Variants in LTBP1 observed in about 807,000 individuals in gnomAD.
The protein encoded by LTBP1 is latent-transforming growth factor beta-binding protein 1.
Under a neutral mutation model 207.6 loss-of-function variants are expected in LTBP1, and 129 were observed. The observed-to-expected ratio is 0.62, with a 90% CI of 0.54 to 0.72. The LOEUF (loss-of-function observed/expected upper bound fraction) is 0.72. Ranked by LOEUF, LTBP1 falls within the 30% of genes least tolerant of loss-of-function variation. The pLI is 0.00. For missense variants in LTBP1, 2,281 were observed against 2,217.2 expected (o/e 1.03, Z -0.58); for synonymous variants, 963 against 833.7 (o/e 1.16, Z -2.67).
intron 2 of LTBP1, among the ~76,000 whole-genome samples, chr2:32,957,147 T>TA (rs1170702954): frequency 6.6e-6 from 1 of 152,192 alleles, no homozygotes; most frequent in Non-Finnish European, 1.5e-5. Context: ...GGCTTCAACT[T>TA]AAAGTCACCA....
chr2:33,398,607 G>A lies in LTBP1; in HGVS notation c.*62G>A. 6.8e-7 allele frequency: 1 copy of A among 1,468,296 alleles called. No homozygotes were observed. Among genetic ancestry groups the A allele is most frequent in the Non-Finnish European group, 9.2e-7 (1 of 1,089,058 alleles). The allele number at this position is 1,468,296 out of a possible 1,614,324, so 91.0% of individuals were successfully genotyped here. A position where few individuals can be genotyped will look rare whatever the true frequency, so the allele number is the denominator to read the frequency against. ...ACTGTGTAAAGGAAAAGGGAGAAAT[G>A]TATTATACTTGAGACATTGCACCTA... is the stretch of plus-strand genomic sequence containing the variant. On this transcript the variant is annotated 3_prime_UTR_variant, in exon 34 of 34. Transcript: ENST00000404816.
intron 7 of LTBP1, among the ~76,000 whole-genome samples, chr2:33,207,061 C>T (rs1215967597): frequency 6.6e-6 from 1 of 152,168 alleles, no homozygotes; most frequent in Non-Finnish European, 1.5e-5. Flanking sequence ...GCAAAACACA[C>T]ATATCACAGC....
At chr2:33,317,235 A>G (rs2094286781) in intron 24 of LTBP1, among the ~76,000 whole-genome samples, 1 of 152,196 alleles carries the variant, frequency 6.6e-6, no homozygotes, top group South Asian at 2.1e-4. Context: ...TGCTTTATAA[A>G]TTACTGTACT....
chr2:33,100,353 G>C (rs1203568468), intron 3 of LTBP1, among the ~76,000 whole-genome samples: 7 of 152,014 alleles, frequency 4.6e-5, no homozygotes, highest in African/African-American at 1.7e-4. Context: ...AGGGGATAAA[G>C]ACATATTTGA....
chr2:33,169,565 G>T (rs1410670514), intron 5 of LTBP1, among the ~76,000 whole-genome samples: 1 of 152,204 alleles, frequency 6.6e-6, no homozygotes, highest in Non-Finnish European at 1.5e-5. Context: ...TTACTTATCA[G>T]ATACTTGGAG....
chr2:32,966,827 T>G (rs1002452780), intron 2 of LTBP1, among the ~76,000 whole-genome samples: 2 of 152,182 alleles, frequency 1.3e-5, no homozygotes, highest in Non-Finnish European at 2.9e-5. Flanking sequence ...GATACTTGTC[T>G]GTAGTTTCCT....
At chr2:33,116,403 G>A (rs923601651) in intron 4 of LTBP1, among the ~76,000 whole-genome samples, 1 of 152,066 alleles carries the variant, frequency 6.6e-6, no homozygotes, top group African/African-American at 2.4e-5. Flanking sequence ...TTTTAGGCAT[G>A]GCAGATGTCA....
chr2:33,338,922 A>G (rs1226317095), intron 24 of LTBP1, among the ~76,000 whole-genome samples: 1 of 152,206 alleles, frequency 6.6e-6, no homozygotes, highest in African/African-American at 2.4e-5. Flanking sequence ...TCCATGCCCT[A>G]CTAAGGAGTG....
chr2:33,110,025 T>TC (rs2080302314), intron 3 of LTBP1, among the ~76,000 whole-genome samples: 1 of 152,180 alleles, frequency 6.6e-6, no homozygotes, highest in African/African-American at 2.4e-5. Context: ...CTTCGCTATT[T>TC]CCCCCCTTCC....
At chr2:33,240,990 C>G (rs1266418147) in intron 9 of LTBP1, among the ~76,000 whole-genome samples, 1 of 152,104 alleles carries the variant, frequency 6.6e-6, no homozygotes, top group African/African-American at 2.4e-5. Context: ...GGTTACACCA[C>G]AAGTAGATAT....
At chr2:33,387,756 G>A (rs1045821297) in intron 31 of LTBP1, among the ~76,000 whole-genome samples, 1 of 141,038 alleles carries the variant, frequency 7.1e-6, no homozygotes, top group Non-Finnish European at 1.5e-5. Flanking sequence ...TTTGTATGTT[G>A]CAAGAATAAA....
At chr2:33,319,946 C>G (rs2094329602) in intron 24 of LTBP1, among the ~76,000 whole-genome samples, 1 of 152,182 alleles carries the variant, frequency 6.6e-6, no homozygotes, top group Non-Finnish European at 1.5e-5. Context: ...CTTCGTTTGA[C>G]AGATATTTAT....
At chr2:33,241,403 G>A (rs965410651) in intron 9 of LTBP1, among the ~76,000 whole-genome samples, 4 of 152,216 alleles carry the variant, frequency 2.6e-5, no homozygotes, top group African/African-American at 4.8e-5. Context: ...CATGGCATCA[G>A]AGTCAAGGCA....
chr2:32,974,401 TTCAAG>T (rs1681390010), intron 2 of LTBP1, among the ~76,000 whole-genome samples: 1 of 152,244 alleles, frequency 6.6e-6, no homozygotes, highest in Non-Finnish European at 1.5e-5. Context: ...GAAATGTCTG[TTCAAG>T]TCTTTTGCCC....
chr2:33,064,943 C>T (rs1449886914), intron 3 of LTBP1, among the ~76,000 whole-genome samples: 5 of 152,182 alleles, frequency 3.3e-5, no homozygotes, highest in Admixed American at 2.0e-4. Context: ...TAATGTAGAA[C>T]AGGAGTGGTG....
At position 33,244,571 on chromosome 2, in the gene LTBP1, T is replaced by C. The variant is rs569871412; in HGVS notation, c.1999+787T>C. Among the ~76,000 whole-genome samples the C allele has an allele frequency of 1.7e-4, 26 of 152,354 alleles. No individual in the cohort carries two copies. The East Asian group carries it at 4.8e-3, about 28-fold the overall frequency. On this transcript the variant is annotated intron_variant, in intron 10 of 33. Transcript: ENST00000404816. ...GCATTTTAGGTGTAAAGTTCTCAAA[T>C]GCAGATTTGAGATTTTTAAGAATGT...
At chr2:33,356,810 A>AAAAAGG (rs1161445638) in intron 26 of LTBP1, among the ~76,000 whole-genome samples, 2 of 152,234 alleles carry the variant, frequency 1.3e-5, no homozygotes, top group Non-Finnish European at 2.9e-5. Context: ...TTTTAAAATA[A>AAAAAGG]AAAAGGAAAT....
rs2093306245 is a variant in LTBP1, at chr2:33,270,887, AC to A, written c.2618-2768del. ...GAGGTAATCAACTAAAAATCAACAA[AC>A]ATTTTTTATCAAATTCCAACCTCCT... On this transcript the variant is annotated intron_variant, in intron 15 of 33. Transcript: ENST00000404816. Among the ~76,000 whole-genome samples, 3 of 152,124 alleles carry A rather than the reference AC, an allele frequency of 2.0e-5. No homozygotes were observed. The South Asian group carries it at 6.2e-4, about 32-fold the overall frequency.
At chr2:33,285,024 T>C (rs563737958) in intron 19 of LTBP1, among the ~76,000 whole-genome samples, 2 of 151,454 alleles carry the variant, frequency 1.3e-5, no homozygotes, top group South Asian at 2.1e-4. Flanking sequence ...AAGTAAGTTA[T>C]GTATCACATT....
Sources: allele counts gnomAD v4.1 joint callset (sites outside exome capture counted in the v4.1 genomes callset), GRCh38; gene constraint gnomAD v4.1.1; transcripts MANE v1.5; gene names NCBI Gene and HGNC (gene_info 2026-07-23, HGNC 2026-07-21).